Variants in RGS5 observed in about 807,000 individuals in gnomAD.
The protein encoded by RGS5 is regulator of G protein signaling 5.
Under a neutral mutation model 18.9 loss-of-function variants are expected in RGS5, and 20 were observed. The observed-to-expected ratio is 1.06, with a 90% CI of 0.74 to 1.54. The LOEUF (loss-of-function observed/expected upper bound fraction) is 1.54, where lower values mean the gene tolerates loss of function less well. RGS5 is among the 40% of genes most tolerant of loss of function. RGS5 has a pLI of 0.00. For missense variants in RGS5, 201 were observed against 211.8 expected (o/e 0.95, Z 0.32); for synonymous variants, 57 against 76.2 (o/e 0.75, Z 1.31).
chr1:163,202,887 A>T lies in RGS5; in HGVS notation c.-52T>A, dbSNP rs1184309000. 5 of 1,582,238 alleles carry T rather than the reference A, an allele frequency of 3.2e-6. No individual in the cohort carries two copies. The South Asian group carries it at 4.5e-5, about 14-fold the overall frequency. On this transcript the variant is annotated 5_prime_UTR_variant, in exon 1 of 5. Transcript: ENST00000313961. Reference sequence around the variant, plus strand: ...TTTAAGTACAACTTCTTAACAGCAGAGCCAGTCTTTGAAAACTTCAAAACT... The same window carrying T: ...TTTAAGTACAACTTCTTAACAGCAGTGCCAGTCTTTGAAAACTTCAAAACT...
chr1:163,311,637 T>C (rs138919965), intron 1 of RGS5, among the ~76,000 whole-genome samples: 3 of 152,242 alleles, frequency 2.0e-5, no homozygotes, highest in East Asian at 3.9e-4. Context: ...GATGGGAAAA[T>C]GGCTGGTCAA....
chr1:163,210,773 G>C (rs1229833704), intron 1 of RGS5: 1 of 152,112 alleles, frequency 6.6e-6, no homozygotes, highest in Non-Finnish European at 1.5e-5. Flanking sequence ...ATTTACTCAT[G>C]GCTTTTAATT....
intron 1 of RGS5, among the ~76,000 whole-genome samples, chr1:163,201,524 A>G (rs1451712444): frequency 1.3e-5 from 2 of 152,126 alleles, no homozygotes; most frequent in African/African-American, 2.4e-5. Context: ...TTAATTATCA[A>G]TATGTAAGTA....
intron 2 of RGS5, chr1:163,259,868 G>C (rs1227446316): frequency 7.4e-6 from 1 of 134,242 alleles, no homozygotes; most frequent in Non-Finnish European, 1.7e-5. Context: ...TGCAGGTGGA[G>C]AAGGAGGTAC....
At chr1:163,296,602 T>C (rs115170676) in intron 2 of RGS5, among the ~76,000 whole-genome samples, 296 of 152,310 alleles carry the variant, frequency 1.9e-3, no homozygotes, top group African/African-American at 6.9e-3. Context: ...GGCAAACATT[T>C]AGAAACCTTC....
intron 2 of RGS5, among the ~76,000 whole-genome samples, chr1:163,294,009 A>C (rs1009925320): frequency 6.6e-6 from 1 of 152,214 alleles, no homozygotes; most frequent in African/African-American, 2.4e-5. Context: ...GGCTCTGCAG[A>C]GTATAGCCCC....
At chr1:163,251,142 A>G (rs1002887718) in intron 2 of RGS5, among the ~76,000 whole-genome samples, 1 of 152,182 alleles carries the variant, frequency 6.6e-6, no homozygotes, top group Non-Finnish European at 1.5e-5. Flanking sequence ...ATGTAAGACA[A>G]TGCAAACCTA....
intron 4 of RGS5, 62 bp downstream of exon 4, chr1:163,152,488 T>A: frequency 6.6e-7 from 1 of 1,509,438 alleles, no homozygotes; most frequent in Non-Finnish European, 8.9e-7. Flanking sequence ...GTGTCTCAGA[T>A]GTAAATCCTT....
intron 1 of RGS5, among the ~76,000 whole-genome samples, chr1:163,180,089 A>T (rs6413907): frequency 1.3e-5 from 2 of 152,140 alleles, no homozygotes; most frequent in African/African-American, 2.4e-5. Flanking sequence ...GTGGCATGAT[A>T]TTGGCTCACT....
At chr1:163,198,963 C>T (rs1172263052) in intron 1 of RGS5, among the ~76,000 whole-genome samples, 1 of 152,080 alleles carries the variant, frequency 6.6e-6, no homozygotes, top group Non-Finnish European at 1.5e-5. Context: ...AGTAATGTGC[C>T]TGGCCAATAG....
intron 2 of RGS5, among the ~76,000 whole-genome samples, chr1:163,280,429 T>C (rs1648962142): frequency 6.6e-6 from 1 of 152,066 alleles, no homozygotes. Context: ...TCTCAATAGA[T>C]ATGAAAAAAA....
chr1:163,221,931 T>C (rs1275956500), upstream of RGS5, among the ~76,000 whole-genome samples: 1 of 152,226 alleles, frequency 6.6e-6, no homozygotes, highest in Non-Finnish European at 1.5e-5. Context: ...TTTTATGATT[T>C]ACTAACATAG....
chr1:163,227,790 T>C (rs1647371889), intron 2 of RGS5, among the ~76,000 whole-genome samples: 1 of 152,162 alleles, frequency 6.6e-6, no homozygotes. Flanking sequence ...GTACAGGCAT[T>C]GGGTAAATGT....
chr1:163,308,990 T>G (rs1431124224), intron 1 of RGS5, among the ~76,000 whole-genome samples: 1 of 152,242 alleles, frequency 6.6e-6, no homozygotes, highest in Admixed American at 6.5e-5. Context: ...GAGTCTTTAG[T>G]GAGTCATCAT....
chr1:163,310,553 C>A lies in RGS5; in HGVS notation c.-377-4224G>T, dbSNP rs184082462. ...TTGCGCGACTGCACTCCAGCCTGGG[C>A]GACAGAGCAAGACTCCGTCTCAAAA... On this transcript the variant is annotated intron_variant, in intron 1 of 5. Transcript: ENST00000618415. Among the ~76,000 whole-genome samples the A allele has an allele frequency of 3.0e-5, 4 of 132,504 alleles. No individual in the cohort carries two copies. The Admixed American group carries it at 3.6e-4, about 12-fold the overall frequency. 86.9% of individuals were successfully genotyped at this position (132,504 alleles called of 152,430 possible). A position where few individuals can be genotyped will look rare whatever the true frequency, so the allele number is the denominator to read the frequency against.
intron 1 of RGS5, among the ~76,000 whole-genome samples, chr1:163,309,498 CTTTTT>C (rs35021957): frequency 6.7e-6 from 1 of 150,220 alleles, no homozygotes; most frequent in South Asian, 2.1e-4. Context: ...CTAAGGAAAC[CTTTTT>C]TTTTTTCTTA....
At chr1:163,160,007 C>G (rs1657740639) in intron 3 of RGS5, among the ~76,000 whole-genome samples, 1 of 152,096 alleles carries the variant, frequency 6.6e-6, no homozygotes, top group Non-Finnish European at 1.5e-5. Flanking sequence ...CGATGGTAAT[C>G]ATCTGTTTGC....
chr1:163,298,900 GTAGA>G (rs1649489129), intron 2 of RGS5, among the ~76,000 whole-genome samples: 1 of 152,166 alleles, frequency 6.6e-6, no homozygotes, highest in Non-Finnish European at 1.5e-5. Context: ...TGCAGGTTAA[GTAGA>G]TAATTACCTT....
At position 163,310,468 on chromosome 1, in the gene RGS5, G is replaced by A. The variant is rs140443812; in HGVS notation, c.-377-4139C>T. Among the ~76,000 whole-genome samples, 828 of 151,870 alleles carry A rather than the reference G, an allele frequency of 5.5e-3. 13 individuals are homozygous for A. The highest frequency in any genetic ancestry group is 0.019 in the African/African-American group (770 of 41,382). Reference sequence around the variant, plus strand: ...TGGGTGCCTGTAGTCCCAGCTATTCGGGAGGCTGAGGCAGGAGAATGGCAT... The same window carrying A: ...TGGGTGCCTGTAGTCCCAGCTATTCAGGAGGCTGAGGCAGGAGAATGGCAT... On this transcript the variant is annotated intron_variant, in intron 1 of 5. Transcript: ENST00000618415.
Sources: gnomAD v4.1 joint callset for allele counts (sites outside exome capture counted in the v4.1 genomes callset) on GRCh38, gnomAD v4.1.1 for gene constraint, MANE v1.5 for transcripts, NCBI Gene and HGNC (gene_info 2026-07-23, HGNC 2026-07-21) for gene names.